CRPPA: variants seen among roughly 807,000 people sequenced by gnomAD.
CRPPA encodes the protein D-ribitol-5-phosphate cytidylyltransferase.
Under a neutral mutation model 52.0 loss-of-function variants are expected in CRPPA, and 43 were observed. The ratio of observed to expected loss-of-function variants is 0.83; its 90% CI spans 0.65 to 1.07. The LOEUF (loss-of-function observed/expected upper bound fraction) is 1.07, where lower values mean the gene tolerates loss of function less well. Ranked by LOEUF, CRPPA falls within the 50% of genes least tolerant of loss-of-function variation. The pLI, the probability that CRPPA is intolerant of heterozygous loss-of-function variation, is 0.00. For missense variants in CRPPA, 629 were observed against 551.7 expected (o/e 1.14, Z -1.40); for synonymous variants, 250 against 203.5 (o/e 1.23, Z -1.94).
In CRPPA at chr7:16,376,057, TAAC is replaced by T. The variant is rs1562662690; in HGVS notation, c.684+32_684+34del. 1.9e-6 allele frequency: 3 copies of T among 1,544,080 alleles called. No homozygotes were observed. In the South Asian group the frequency reaches 3.6e-5, roughly 19 times the overall value. On this transcript the variant is annotated intron_variant, in intron 3 of 9. Transcript: ENST00000407010. ...TGGAGGTTGTTTGGGGAACCTGACA[TAAC>T]AGCAGCTTATTCAAAAAGCCCAAAT...
chr7:16,306,652 G>A (rs898065704), intron 4 of CRPPA, among the ~76,000 whole-genome samples: 1 of 152,132 alleles, frequency 6.6e-6, no homozygotes. Context: ...ACGCCTTAGA[G>A]TTTCCGCCTT....
intron 9 of CRPPA, among the ~76,000 whole-genome samples, chr7:16,194,822 T>C (rs1781694918): frequency 6.9e-6 from 1 of 145,784 alleles, no homozygotes; most frequent in African/African-American, 2.5e-5. Flanking sequence ...CTCCGGTGAG[T>C]TTAAAACCTT....
intron 3 of CRPPA, among the ~76,000 whole-genome samples, chr7:16,338,676 T>G (rs760186348): frequency 1.1e-4 from 16 of 152,150 alleles, no homozygotes; most frequent in Non-Finnish European, 1.9e-4. Flanking sequence ...ATGTACCAAT[T>G]CCTGGAAAGG....
chr7:16,275,067 C>T (rs889754411), intron 6 of CRPPA, among the ~76,000 whole-genome samples: 56 of 152,018 alleles, frequency 3.7e-4, no homozygotes, highest in Admixed American at 7.2e-4. Flanking sequence ...CTGAGTGAGA[C>T]AGTGTCTAAA....
At chr7:16,140,333 T>C (rs1323423282) in intron 9 of CRPPA, among the ~76,000 whole-genome samples, 1 of 151,984 alleles carries the variant, frequency 6.6e-6, no homozygotes, top group African/African-American at 2.4e-5. Flanking sequence ...AATTTTTTTT[T>C]TTTTGTATTT....
intron 3 of CRPPA, among the ~76,000 whole-genome samples, chr7:16,357,452 T>C (rs1786330290): frequency 6.6e-6 from 1 of 152,154 alleles, no homozygotes. Context: ...AGTGCTGGTA[T>C]TACAGGCATG....
chr7:16,335,336 C>G (rs1446718124), intron 3 of CRPPA, among the ~76,000 whole-genome samples: 2 of 152,062 alleles, frequency 1.3e-5, no homozygotes, highest in East Asian at 3.9e-4. Context: ...CTGAGTGACA[C>G]AGTGAGACTC....
intron 8 of CRPPA, among the ~76,000 whole-genome samples, chr7:16,239,257 T>G (rs1783039181): frequency 6.6e-6 from 1 of 151,860 alleles, no homozygotes; most frequent in Admixed American, 6.6e-5. Flanking sequence ...TAAGAGACAC[T>G]TGTTATTTGA....
chr7:16,421,356 C>G lies in CRPPA; in HGVS notation c.-34G>C. The G allele has an allele frequency of 2.4e-6, 3 of 1,228,252 alleles. No individual in the cohort carries two copies. Among genetic ancestry groups the G allele is most frequent in the Non-Finnish European group, 3.0e-6 (3 of 984,548 alleles). 76.1% of individuals were successfully genotyped at this position (1,228,252 alleles called of 1,614,324 possible). ...GCGGAACGGCGAGCCCCGCTAGCCT[C>G]GGGCCGATGCGACCCCGCGCTGCTC... On this transcript the variant is annotated 5_prime_UTR_variant, in exon 1 of 10. Transcript: ENST00000407010.
At chr7:16,397,911 G>T (rs1047067220) in intron 2 of CRPPA, among the ~76,000 whole-genome samples, 2 of 152,240 alleles carry the variant, frequency 1.3e-5, no homozygotes. Context: ...TGTTTGACGT[G>T]ACCAACACAA....
chr7:16,283,182 T>A (rs750428312), intron 5 of CRPPA, among the ~76,000 whole-genome samples: 22 of 151,450 alleles, frequency 1.5e-4, no homozygotes, highest in Non-Finnish European at 3.0e-4. Context: ...TTTATAAATA[T>A]GGTTTCATAT....
chr7:16,252,813 T>G (rs978646445), intron 8 of CRPPA, among the ~76,000 whole-genome samples: 1 of 152,204 alleles, frequency 6.6e-6, no homozygotes, highest in East Asian at 1.9e-4. Context: ...GGGATTCAAC[T>G]TCTTCCTGCT....
chr7:16,161,831 G>T (rs1780897281), intron 9 of CRPPA, among the ~76,000 whole-genome samples: 1 of 151,982 alleles, frequency 6.6e-6, no homozygotes. Flanking sequence ...TTTTTTGGTT[G>T]GTAGGCTATT....
At position 16,133,054 on chromosome 7, in the gene CRPPA, T is replaced by A. The variant is rs1017195964; in HGVS notation, c.1252-41255A>T. On this transcript the variant is annotated intron_variant, in intron 9 of 9. Transcript: ENST00000407010. The stretch of plus-strand genomic sequence containing the variant: ...TGTCTGTAGTTCCAGCTACTTGGGA[T>A]ACTGAGGTGGGGGGATCACTTGAGC... Among the ~76,000 whole-genome samples, 14 of 122,812 alleles carry A rather than the reference T, an allele frequency of 1.1e-4. 4 individuals carry two copies. The highest frequency in any genetic ancestry group is 4.1e-3 in the Middle Eastern group (1 of 244). 80.6% of individuals were successfully genotyped at this position (122,812 alleles called of 152,430 possible).
chr7:16,273,799 T>C (rs1784144265), intron 6 of CRPPA, among the ~76,000 whole-genome samples: 2 of 152,136 alleles, frequency 1.3e-5, no homozygotes, highest in African/African-American at 2.4e-5. Flanking sequence ...TCAGGGGTCA[T>C]GGATACCCTG....
intron 9 of CRPPA, among the ~76,000 whole-genome samples, chr7:16,131,295 G>A (rs543868816): frequency 6.6e-6 from 1 of 152,290 alleles, no homozygotes; most frequent in African/African-American, 2.4e-5. Context: ...AGGAAAAGAG[G>A]AAAGCTATAG....
intron 6 of CRPPA, chr7:16,269,032 G>A (rs921304016): frequency 1.3e-5 from 2 of 152,128 alleles, no homozygotes; most frequent in Non-Finnish European, 2.9e-5. Flanking sequence ...CAACTGTTCC[G>A]ATGATTGATG....
intron 9 of CRPPA, among the ~76,000 whole-genome samples, chr7:16,094,879 G>A (rs1334651064): frequency 1.3e-5 from 2 of 152,072 alleles, no homozygotes; most frequent in Non-Finnish European, 2.9e-5. Context: ...CAAGGAAAGT[G>A]TGAGAAACTG....
chr7:16,353,775 G>A (rs532381026), intron 3 of CRPPA, among the ~76,000 whole-genome samples: 6 of 151,822 alleles, frequency 4.0e-5, no homozygotes, highest in African/African-American at 7.3e-5. Context: ...ACTTGAACCC[G>A]GGAGGCACAG....
Sources: allele counts gnomAD v4.1 joint callset (sites outside exome capture counted in the v4.1 genomes callset), GRCh38; gene constraint gnomAD v4.1.1; transcripts MANE v1.5; gene names NCBI Gene and HGNC (gene_info 2026-07-23, HGNC 2026-07-21).